Variants in SPAST observed in about 807,000 individuals in gnomAD.
SPAST encodes spastin.
A neutral mutation model predicts 76.6 loss-of-function variants in SPAST; 30 were observed. That is an observed-to-expected ratio of 0.39 (90% CI 0.29 to 0.53). The LOEUF (loss-of-function observed/expected upper bound fraction) is 0.53, where lower values mean the gene tolerates loss of function less well. Among genes scored for constraint, SPAST ranks in the 20% least tolerant of loss-of-function variants. The probability of loss-of-function intolerance (pLI) is 0.68; values close to 1 mark genes in which losing one functional copy is unlikely to be tolerated. For synonymous variants in SPAST, 305 were observed against 281.0 expected, an observed-to-expected ratio of 1.09 and a Z score of -0.86; for missense variants, 717 against 770.5, an observed-to-expected ratio of 0.93 and a Z score of 0.82.
chr2:32,070,886 A>G (rs1676723041), intron 1 of SPAST, among the ~76,000 whole-genome samples: 3 of 152,162 alleles, frequency 2.0e-5, no homozygotes. Flanking sequence ...AAGACTGAAA[A>G]CCTGTGATAG....
intron 4 of SPAST, among the ~76,000 whole-genome samples, chr2:32,106,196 C>T (rs1250660907): frequency 2.0e-5 from 3 of 152,172 alleles, no homozygotes; most frequent in Non-Finnish European, 2.9e-5. Flanking sequence ...TGCCGCCTTG[C>T]AGTTCGATCT....
intron 7 of SPAST, among the ~76,000 whole-genome samples, chr2:32,117,152 C>T (rs755773396): frequency 2.0e-4 from 31 of 151,948 alleles, no homozygotes; most frequent in Non-Finnish European, 3.8e-4. Context: ...ACTCGGGATG[C>T]TGAGGCAGGA....
At chr2:32,087,697 T>TTCTTTTC (rs1193913370) in intron 2 of SPAST, 119 bp downstream of exon 2, 3 of 276,060 alleles carry the variant, frequency 1.1e-5, no homozygotes, top group Admixed American at 1.1e-4. Flanking sequence ...TTCTTTTCTT[T>TTCTTTTC]TTTTTTTTTT....
chr2:32,145,312 G>T (rs1414239061), intron 15 of SPAST, among the ~76,000 whole-genome samples: 1 of 152,120 alleles, frequency 6.6e-6, no homozygotes, highest in East Asian at 1.9e-4. Flanking sequence ...GCCCAAGCTG[G>T]TCTTGAACTC....
At chr2:32,086,686 A>AG in intron 1 of SPAST, among the ~76,000 whole-genome samples, 1 of 151,582 alleles carries the variant, frequency 6.6e-6, no homozygotes, top group Non-Finnish European at 1.5e-5. Context: ...TGAACCCGGG[A>AG]GGGGGAGGTT....
intron 12 of SPAST, among the ~76,000 whole-genome samples, chr2:32,141,043 T>A (rs905145410): frequency 6.6e-6 from 1 of 152,038 alleles, no homozygotes; most frequent in Admixed American, 6.6e-5. Flanking sequence ...AAACCTAGTT[T>A]TGGAAGGATA....
At chr2:32,086,370 G>A (rs1455264889) in intron 1 of SPAST, among the ~76,000 whole-genome samples, 1 of 151,960 alleles carries the variant, frequency 6.6e-6, no homozygotes, top group Non-Finnish European at 1.5e-5. Flanking sequence ...GCCAAGGGAA[G>A]AGGATGGATC....
At chr2:32,109,296 A>G (rs1398400661) in intron 4 of SPAST, among the ~76,000 whole-genome samples, 1 of 151,684 alleles carries the variant, frequency 6.6e-6, no homozygotes, top group Non-Finnish European at 1.5e-5. Flanking sequence ...TTTAGTAAAG[A>G]TGGGGTTTCA....
rs149694736 is a variant in SPAST, at chr2:32,146,174, T to C, written c.1688-1044T>C. Among the ~76,000 whole-genome samples the C allele has an allele frequency of 3.8e-3, 573 of 152,324 alleles. 5 individuals are homozygous for C. Among genetic ancestry groups the C allele is most frequent in the African/African-American group, 0.014 (564 of 41,580 alleles). ...AGTTAGTGGATTTAGAAACAGTAGCTAATGCATAAATGAGTTGTATTTTCT... is the reference window on the plus strand; with the variant it reads ...AGTTAGTGGATTTAGAAACAGTAGCCAATGCATAAATGAGTTGTATTTTCT... On this transcript the variant is annotated intron_variant, in intron 15 of 16. Transcript: ENST00000315285.
chr2:32,083,760 A>ATATATACTATATATATT (rs1677349718), intron 1 of SPAST, among the ~76,000 whole-genome samples: 1 of 42,862 alleles, frequency 2.3e-5, no homozygotes, highest in African/African-American at 9.8e-5. Flanking sequence ...CTATATATAT[A>ATATATACTATATATATT]TATATATATA....
intron 15 of SPAST, 98 bp from the exon 16 acceptor site, chr2:32,147,120 A>T: frequency 1.3e-6 from 1 of 799,860 alleles, no homozygotes; most frequent in South Asian, 1.4e-5. Context: ...ATTTGTACTG[A>T]ATAGATACAT....
intron 3 of SPAST, among the ~76,000 whole-genome samples, chr2:32,094,011 A>C (rs1217431271): frequency 6.6e-6 from 1 of 152,164 alleles, no homozygotes; most frequent in Non-Finnish European, 1.5e-5. Flanking sequence ...CAGTATTAGG[A>C]ATTCCCAGGA....
intron 7 of SPAST, among the ~76,000 whole-genome samples, chr2:32,125,216 AT>A (rs997518922): frequency 2.0e-5 from 3 of 151,118 alleles, no homozygotes; most frequent in East Asian, 1.9e-4. Flanking sequence ...TTTTATTTTT[AT>A]TTTTTTTTAA....
chr2:32,154,563 G>A lies in SPAST; in HGVS notation c.*67G>A, dbSNP rs551797206. 13 of 1,518,184 alleles carry A rather than the reference G, an allele frequency of 8.6e-6. No homozygotes were observed. Among genetic ancestry groups the A allele is most frequent in the Admixed American group, 6.7e-5 (4 of 59,694 alleles). 94.0% of individuals were successfully genotyped at this position (1,518,184 alleles called of 1,614,324 possible). The stretch of plus-strand genomic sequence containing the variant: ...AGGAAACACAAGATCTTCAATGAAC[G>A]TCATCGGCTACAGAAACAGCCTAAG... On this transcript the variant is annotated 3_prime_UTR_variant, in exon 17 of 17. Coordinates refer to ENST00000315285, the MANE Select transcript of SPAST (RefSeq NM_014946.4).
intron 3 of SPAST, 32 bp downstream of exon 3, chr2:32,089,637 G>A: frequency 9.0e-7 from 1 of 1,106,678 alleles, no homozygotes; most frequent in Non-Finnish European, 1.4e-6. Flanking sequence ...GATGTGGGAT[G>A]TATTGGAAAT....
At chr2:32,105,199 A>G (rs1558315839) in intron 4 of SPAST, among the ~76,000 whole-genome samples, 3 of 152,002 alleles carry the variant, frequency 2.0e-5, no homozygotes, top group Non-Finnish European at 4.4e-5. Context: ...CATTTCATTC[A>G]TTTGATCTTC....
intron 1 of SPAST, among the ~76,000 whole-genome samples, chr2:32,080,784 T>C (rs1261555028): frequency 2.9e-5 from 2 of 68,488 alleles, no homozygotes; most frequent in Non-Finnish European, 6.0e-5. Context: ...GGCTCAGTTC[T>C]TTTTTTTTTT....
At chr2:32,140,998 A>G (rs1304774824) in intron 12 of SPAST, among the ~76,000 whole-genome samples, 4 of 91,748 alleles carry the variant, frequency 4.4e-5, no homozygotes, top group Admixed American at 1.1e-4. Flanking sequence ...TTTTTTGCTT[A>G]TTATTTTTCT....
chr2:32,087,165 G>C (rs1365137737), intron 1 of SPAST, among the ~76,000 whole-genome samples: 1 of 152,018 alleles, frequency 6.6e-6, no homozygotes. Flanking sequence ...AATCATATTT[G>C]TATTTTTCAA....
Sources: allele counts gnomAD v4.1 joint callset (sites outside exome capture counted in the v4.1 genomes callset), GRCh38; gene constraint gnomAD v4.1.1; transcripts MANE v1.5; gene names NCBI Gene and HGNC (gene_info 2026-07-23, HGNC 2026-07-21).